C12orf50: variants seen among roughly 807,000 people sequenced by gnomAD.
C12orf50 encodes the protein uncharacterized protein C12orf50.
Under a neutral mutation model 61.6 loss-of-function variants are expected in C12orf50, and 35 were observed. The ratio of observed to expected loss-of-function variants is 0.57; its 90% CI spans 0.43 to 0.75. C12orf50 has a LOEUF of 0.75. Among genes scored for constraint, C12orf50 ranks in the 30% least tolerant of loss-of-function variants. The pLI, the probability that C12orf50 is intolerant of heterozygous loss-of-function variation, is 0.00. For synonymous variants in C12orf50, 178 were observed against 161.5 expected (o/e 1.10, Z -0.77); for missense variants, 475 against 488.5 (o/e 0.97, Z 0.26).
At chr12:87,985,009 A>G (rs1227977076) in intron 11 of C12orf50, 10 of 152,068 alleles carry the variant, frequency 6.6e-5, no homozygotes, top group Non-Finnish European at 1.5e-4. Context: ...AAATAATTTA[A>G]ATAAGCTAAT....
chr12:87,999,957 C>T (rs2031584040), intron 3 of C12orf50, among the ~76,000 whole-genome samples: 2 of 151,714 alleles, frequency 1.3e-5, no homozygotes, highest in Non-Finnish European at 2.9e-5. Flanking sequence ...TCCATTTATA[C>T]AAAATATCAA....
intron 3 of C12orf50, among the ~76,000 whole-genome samples, chr12:88,022,278 A>G (rs2032544643): frequency 6.6e-6 from 1 of 152,164 alleles, no homozygotes. Flanking sequence ...TAGATGCAGA[A>G]AAGGCTTTTA....
At position 88,021,891 on chromosome 12, in the gene C12orf50, A is replaced by G. The variant is rs555897405; in HGVS notation, c.133+4597T>C. ...AAAAAACCCAGGGCCAGATAGATTC[A>G]TAGCCGAGTTATATCAGATTTATAA... On this transcript the variant is annotated intron_variant, in intron 3 of 12. Transcript: ENST00000298699. Among the ~76,000 whole-genome samples, 7 of 152,276 alleles carry G rather than the reference A, an allele frequency of 4.6e-5. No homozygotes were observed. In the East Asian group the frequency reaches 1.4e-3, roughly 29 times the overall value.
chr12:88,008,941 A>G (rs2031995081), intron 3 of C12orf50, among the ~76,000 whole-genome samples: 1 of 152,108 alleles, frequency 6.6e-6, no homozygotes, highest in African/African-American at 2.4e-5. Flanking sequence ...GCCTTCTTTC[A>G]TTTAATTTTA....
Position 87,986,049 on chromosome 12 carries a change from T to C in C12orf50, c.927A>G (p.Val309=). 1 of 1,613,610 alleles carries C rather than the reference T, an allele frequency of 6.2e-7. No individual in the cohort carries two copies. Among genetic ancestry groups the C allele is most frequent in the Non-Finnish European group, 8.5e-7 (1 of 1,179,662 alleles). The change falls in exon 11 of 13, where the codon GTA becomes GTG. Residue 309 remains valine (V), a synonymous_variant. Coordinates refer to ENST00000298699, the MANE Select transcript of C12orf50 (RefSeq NM_152589.3). Reference sequence around the variant, plus strand: ...TTTTATTTTGGGGTCTTGGGGCCTGTACTGCTGTAAAGAAAGGTGGGAGGG... The same window carrying C: ...TTTTATTTTGGGGTCTTGGGGCCTGCACTGCTGTAAAGAAAGGTGGGAGGG... ...NFPNSGMQRA[V]QAPRPQNKMS...
intron 3 of C12orf50, among the ~76,000 whole-genome samples, chr12:88,008,425 A>G (rs60042023): frequency 0.061 from 9,218 of 152,168 alleles, 947 homozygotes; most frequent in African/African-American, 0.21. Flanking sequence ...ATGGTATTCT[A>G]TGGTGTATAT....
chr12:87,982,001 G>A (rs895085247), intron 12 of C12orf50, among the ~76,000 whole-genome samples: 4 of 151,966 alleles, frequency 2.6e-5, no homozygotes, highest in African/African-American at 7.2e-5. Context: ...TTTCCTAAAT[G>A]TCTTCTGTAA....
chr12:87,985,811 C>A (rs922207840), intron 11 of C12orf50, 39 bp downstream of exon 11: 5 of 1,601,916 alleles, frequency 3.1e-6, no homozygotes, highest in African/African-American at 2.7e-5. Flanking sequence ...GGAATGCAAA[C>A]CACAGACAAG....
Position 87,986,335 on chromosome 12 carries a change from A to G in C12orf50, c.899T>C (p.Phe300Ser). 6.2e-7 allele frequency: 1 copy of G among 1,608,108 alleles called. No homozygotes were observed. ...RKWIYDEPQN[F>S]PNSGMQRAVQ... ...ACCTCTCTGCATTCCAGAGTTAGGA[A>G]AGTTCTGTGGTTCATCATAAATCCA... The change falls in exon 10 of 13, where the codon TTT becomes TCT. Residue 300 changes from phenylalanine to serine, a missense_variant. Phe to Ser is a radical substitution (Grantham distance 155, BLOSUM62 -2). Transcript: ENST00000298699.
chr12:88,013,050 C>T (rs1201632509), intron 3 of C12orf50, among the ~76,000 whole-genome samples: 1 of 151,468 alleles, frequency 6.6e-6, no homozygotes, highest in Non-Finnish European at 1.5e-5. Flanking sequence ...GGCAACAGAG[C>T]AAGATCCTGT....
chr12:87,987,504 AAACT>A (rs2030885303), intron 9 of C12orf50, among the ~76,000 whole-genome samples: 1 of 152,176 alleles, frequency 6.6e-6, no homozygotes, highest in Non-Finnish European at 1.5e-5. Context: ...GTGAGAAGCC[AAACT>A]AATAAAAAAT....
chr12:87,987,870 C>A lies in C12orf50; in HGVS notation c.797G>T (p.Cys266Phe). Reference protein sequence around the residue: ...LNATENISMKCREDPSSMNDV... With the variant: ...LNATENISMKFREDPSSMNDV... The stretch of plus-strand genomic sequence containing the variant: ...CTCACTTGAAGAGGGGTCCTCTCTG[C>A]ACTTCATACTGATATTCTCAGTAGC... Residue 266 changes from cysteine (C) to phenylalanine (F), a missense_variant, in exon 9 of 13, where the codon TGC (cysteine) becomes TTC (phenylalanine). Transcript: ENST00000298699. 6.2e-7 allele frequency: 1 copy of A among 1,606,100 alleles called. No individual in the cohort carries two copies. Among genetic ancestry groups the A allele is most frequent in the Non-Finnish European group, 8.5e-7 (1 of 1,174,072 alleles).
Position 88,026,624 on chromosome 12 carries a change from T to C in C12orf50, c.13-16A>G, listed in dbSNP as rs1223519210. 1 of 1,611,244 alleles carries C rather than the reference T, an allele frequency of 6.2e-7. No individual in the cohort carries two copies. Among genetic ancestry groups the C allele is most frequent in the South Asian group, 1.1e-5 (1 of 90,918 alleles). On this transcript the variant is annotated splice_polypyrimidine_tract_variant and intron_variant, in intron 2 of 12. Transcript: ENST00000298699. ...TGCAGTTTTGCTAGATAAAAGGAGA[T>C]TGGGGGAAATGTAATGATTAGATGC...
chr12:88,015,222 C>T (rs536108626), intron 3 of C12orf50, among the ~76,000 whole-genome samples: 33 of 152,204 alleles, frequency 2.2e-4, no homozygotes, highest in African/African-American at 7.2e-4. Context: ...AAAACACACA[C>T]GCACAAAAAT....
intron 3 of C12orf50, among the ~76,000 whole-genome samples, chr12:88,025,605 G>A (rs546638748): frequency 5.9e-5 from 9 of 152,214 alleles, no homozygotes; most frequent in East Asian, 1.9e-4. Context: ...TGGGTGTGGC[G>A]GTGCGTGCCT....
intron 3 of C12orf50, among the ~76,000 whole-genome samples, chr12:88,010,389 T>C (rs2032051637): frequency 8.5e-6 from 1 of 117,556 alleles, no homozygotes; most frequent in Non-Finnish European, 1.6e-5. Context: ...AGATTAAAAT[T>C]ATTATAATCT....
At chr12:88,009,873 A>T (rs1228006407) in intron 3 of C12orf50, among the ~76,000 whole-genome samples, 1 of 152,056 alleles carries the variant, frequency 6.6e-6, no homozygotes, top group African/African-American at 2.4e-5. Context: ...GTGCAGCCAA[A>T]TTTATTCATA....
rs1164813955 is a variant in C12orf50 at position 87,998,150 on chromosome 12, G to C, written c.174C>G (p.Leu58=). The C allele has an allele frequency of 6.2e-7, 1 of 1,612,558 alleles. No homozygotes were observed. The highest frequency in any genetic ancestry group is 1.1e-5 in the South Asian group (1 of 90,956). The change falls in exon 4 of 13, where the codon CTC becomes CTG. Residue 58 remains leucine (L), a synonymous_variant. Coordinates refer to ENST00000298699, the MANE Select transcript of C12orf50 (RefSeq NM_152589.3). ...LQKEIQEGIP[L]QSQSQEPLKP... The stretch of plus-strand genomic sequence containing the variant: ...TCAGAGGTTCTTGACTCTGGGACTG[G>C]AGTGGAATTCCTTCCTGAATTTCTT...
intron 3 of C12orf50, among the ~76,000 whole-genome samples, chr12:88,001,453 T>C (rs991273560): frequency 6.6e-6 from 1 of 151,634 alleles, no homozygotes; most frequent in South Asian, 2.1e-4. Flanking sequence ...TCTATATTCA[T>C]AGGAAAAGTT....
Sources: allele counts gnomAD v4.1 joint callset (sites outside exome capture counted in the v4.1 genomes callset), GRCh38; gene constraint gnomAD v4.1.1; transcripts MANE v1.5; gene names NCBI Gene and HGNC (gene_info 2026-07-23, HGNC 2026-07-21).